Variants in LUZP2 observed in about 807,000 individuals in gnomAD.
LUZP2 encodes leucine zipper protein 2.
LUZP2 carries 52 observed loss-of-function variants against 51.6 expected under a neutral mutation model. The observed-to-expected ratio is 1.01, with a 90% confidence interval of 0.81 to 1.27. The LOEUF (loss-of-function observed/expected upper bound fraction) is 1.27. LUZP2 is among the 50% of genes most tolerant of loss of function. LUZP2 has a pLI of 0.00. For missense variants in LUZP2, 436 were observed against 395.4 expected (o/e 1.10, Z -0.87); for synonymous variants, 154 against 137.3 (o/e 1.12, Z -0.85).
At chr11:24,775,754 G>T (rs1448382945) in intron 5 of LUZP2, among the ~76,000 whole-genome samples, 1 of 152,020 alleles carries the variant, frequency 6.6e-6, no homozygotes, top group African/African-American at 2.4e-5. Context: ...TCACTTTTTC[G>T]GTTCTCTGAG....
chr11:24,966,164 C>G (rs1046346385), intron 7 of LUZP2, among the ~76,000 whole-genome samples: 5 of 151,548 alleles, frequency 3.3e-5, no homozygotes, highest in Non-Finnish European at 7.4e-5. Flanking sequence ...TATAAATAAA[C>G]CACTTTTCAT....
intron 5 of LUZP2, among the ~76,000 whole-genome samples, chr11:24,841,040 T>C (rs574259792): frequency 3.2e-4 from 48 of 152,136 alleles, no homozygotes; most frequent in African/African-American, 1.1e-3. Flanking sequence ...CCATGTAGTA[T>C]GCAGTAATGA....
chr11:24,660,931 C>G (rs1350734225), intron 1 of LUZP2, among the ~76,000 whole-genome samples: 2 of 152,016 alleles, frequency 1.3e-5, no homozygotes, highest in African/African-American at 4.8e-5. Flanking sequence ...ATAGTTTTAT[C>G]AGAAATCTTG....
intron 7 of LUZP2, among the ~76,000 whole-genome samples, chr11:24,968,470 T>A (rs1037657416): frequency 6.6e-6 from 1 of 152,170 alleles, no homozygotes; most frequent in Non-Finnish European, 1.5e-5. Context: ...GCTGTTTTGA[T>A]TGCCTGTGGT....
rs966762965 is a variant in LUZP2 at position 24,923,099 on chromosome 11, C to T, written c.522+8561C>T. ...TCCTGACCTCGTGATCCGCCTGCTT[C>T]GGCCTCCCAAAGTTCTGGGATGACC... On this transcript the variant is annotated intron_variant, in intron 7 of 11. Coordinates refer to ENST00000336930, the MANE Select transcript of LUZP2 (RefSeq NM_001009909.4). Among the ~76,000 whole-genome samples the T allele has an allele frequency of 5.3e-5, 8 of 151,866 alleles. No homozygotes were observed. In the South Asian group the frequency reaches 1.0e-3, roughly 20 times the overall value.
rs57741208 is a variant in LUZP2, at chr11:24,607,341, C to CTTTTTTTTTTTTTTTTTTTTTTTTTTTTT, written c.62+110037_62+110065dup. Among the ~76,000 whole-genome samples, 2 of 63,416 alleles carry CTTTTTTTTTTTTTTTTTTTTTTTTTTTTT rather than the reference C, an allele frequency of 3.2e-5. 1 individual carries two copies. 41.6% of individuals were successfully genotyped at this position (63,416 alleles called of 152,430 possible). A position where few individuals can be genotyped will look rare whatever the true frequency, so the allele number is the denominator to read the frequency against. On this transcript the variant is annotated intron_variant, in intron 1 of 11. Coordinates refer to ENST00000336930, the MANE Select transcript of LUZP2 (RefSeq NM_001009909.4). ...GTGGTATAAGATGGGGATATTATGT[C>CTTTTTTTTTTTTTTTTTTTTTTTTTTTTT]TTTTTTTTTTTTTTTTTTTTTTTTT... is the stretch of plus-strand genomic sequence containing the variant.
intron 5 of LUZP2, among the ~76,000 whole-genome samples, chr11:24,888,769 G>A (rs1852752092): frequency 6.6e-6 from 1 of 152,120 alleles, no homozygotes; most frequent in Non-Finnish European, 1.5e-5. Context: ...GGAGGTAACT[G>A]AATCATGGGG....
chr11:24,537,286 G>A (rs1462441969), intron 1 of LUZP2, among the ~76,000 whole-genome samples: 3 of 151,818 alleles, frequency 2.0e-5, no homozygotes, highest in Non-Finnish European at 2.9e-5. Flanking sequence ...TTTAAAAAAT[G>A]CAACACTTGT....
intron 1 of LUZP2, among the ~76,000 whole-genome samples, chr11:24,641,049 G>A (rs187865543): frequency 6.6e-6 from 1 of 151,354 alleles, no homozygotes; most frequent in East Asian, 1.9e-4. Flanking sequence ...AAGTAGCTAG[G>A]AGTACAGGTA....
At chr11:24,849,748 T>C (rs1424892957) in intron 5 of LUZP2, among the ~76,000 whole-genome samples, 2 of 152,208 alleles carry the variant, frequency 1.3e-5, no homozygotes, top group Non-Finnish European at 1.5e-5. Context: ...ACCAACAGTA[T>C]AAAAGCGATC....
At chr11:24,756,418 G>A (rs953313766) in intron 4 of LUZP2, among the ~76,000 whole-genome samples, 17 of 152,278 alleles carry the variant, frequency 1.1e-4, no homozygotes, top group African/African-American at 4.1e-4. Flanking sequence ...GCATTTCCCT[G>A]TGCATCCATA....
At chr11:24,734,014 G>A (rs1160117762) in intron 3 of LUZP2, among the ~76,000 whole-genome samples, 1 of 151,654 alleles carries the variant, frequency 6.6e-6, no homozygotes, top group African/African-American at 2.4e-5. Flanking sequence ...AATAAATAGG[G>A]AATCCCTTTT....
intron 10 of LUZP2, among the ~76,000 whole-genome samples, chr11:25,077,061 A>G (rs1451505674): frequency 6.6e-6 from 1 of 152,150 alleles, no homozygotes; most frequent in Non-Finnish European, 1.5e-5. Context: ...TTTTACAGGA[A>G]AATAATTTTC....
At chr11:24,926,447 ATG>A (rs1165909728) in intron 7 of LUZP2, among the ~76,000 whole-genome samples, 5 of 144,650 alleles carry the variant, frequency 3.5e-5, no homozygotes, top group Non-Finnish European at 4.5e-5. Context: ...ACGTGTATAT[ATG>A]TGTGTGTATA....
At chr11:24,630,711 T>A (rs1196485303) in intron 1 of LUZP2, among the ~76,000 whole-genome samples, 2 of 150,920 alleles carry the variant, frequency 1.3e-5, no homozygotes, top group Non-Finnish European at 3.0e-5. Flanking sequence ...ATACTAAGTT[T>A]AAGATTTCTA....
At chr11:24,566,324 TTA>T (rs1244594531) in intron 1 of LUZP2, among the ~76,000 whole-genome samples, 2 of 1,138 alleles carry the variant, frequency 1.8e-3, no homozygotes, top group African/African-American at 2.8e-3. Context: ...TATTATTTAT[TTA>T]TTTTTTTTTT....
intron 7 of LUZP2, among the ~76,000 whole-genome samples, chr11:24,945,769 G>A (rs2133855349): frequency 6.6e-6 from 1 of 152,018 alleles, no homozygotes; most frequent in South Asian, 2.1e-4. Flanking sequence ...CTTTACAAGT[G>A]CTCTTCACAT....
At chr11:24,996,576 TA>T (rs1281890924) in intron 9 of LUZP2, among the ~76,000 whole-genome samples, 1 of 4,272 alleles carries the variant, frequency 2.3e-4, no homozygotes, top group Non-Finnish European at 0.042. Flanking sequence ...TTTCTTTTTT[TA>T]TTTTATTTTA....
chr11:24,545,178 G>A (rs538017381), intron 1 of LUZP2, among the ~76,000 whole-genome samples: 10 of 149,976 alleles, frequency 6.7e-5, no homozygotes, highest in East Asian at 5.9e-4. Context: ...TACTAGATTA[G>A]GTCTTTGCCA....
Sources: allele counts gnomAD v4.1 joint callset (sites outside exome capture counted in the v4.1 genomes callset), GRCh38; gene constraint gnomAD v4.1.1; transcripts MANE v1.5; gene names NCBI Gene and HGNC (gene_info 2026-07-23, HGNC 2026-07-21).